CYP4B1: variants seen among roughly 807,000 people sequenced by gnomAD.
The protein encoded by CYP4B1 is cytochrome P450 4B1.
A neutral mutation model predicts 54.0 loss-of-function variants in CYP4B1; 45 were observed. That is an observed-to-expected ratio of 0.83 (90% CI 0.66 to 1.07). The LOEUF is 1.07. Ranked by LOEUF, CYP4B1 falls within the 50% of genes least tolerant of loss-of-function variation. The pLI, the probability that CYP4B1 is intolerant of heterozygous loss-of-function variation, is 0.00. For synonymous variants in CYP4B1, 248 were observed against 247.5 expected (o/e 1.00, Z -0.02); for missense variants, 656 against 655.4 (o/e 1.00, Z -0.01).
At chr1:46,816,702 G>A (rs1356291329) in intron 8 of CYP4B1, among the ~76,000 whole-genome samples, 2 of 152,092 alleles carry the variant, frequency 1.3e-5, no homozygotes, top group Non-Finnish European at 2.9e-5. Flanking sequence ...GGGAAACCAA[G>A]CTGAAACCTA....
rs45522235 is a variant in CYP4B1 at position 46,799,228 on chromosome 1, T to C, written c.147T>C (p.Pro49=). The change falls in exon 1 of 12, where the codon CCT becomes CCC. Residue 49 remains proline (P), a synonymous_variant. Coordinates refer to ENST00000371923, the MANE Select transcript of CYP4B1 (RefSeq NM_001099772.2). ...LAKAMDKFPG[P]PTHWLFGHAL... is the part of the protein sequence containing the mutation. ...AGGCTATGGACAAATTCCCAGGGCC[T>C]CCCACCCACTGGCTTTTTGGACATG... 13,396 of 1,602,076 alleles carry C rather than the reference T, an allele frequency of 8.4e-3. 69 individuals are homozygous for C. The highest frequency in any genetic ancestry group is 9.9e-3 in the Non-Finnish European group (11,643 of 1,174,198).
intron 4 of CYP4B1, among the ~76,000 whole-genome samples, chr1:46,813,241 T>A (rs1250480977): frequency 6.6e-6 from 1 of 152,240 alleles, no homozygotes; most frequent in African/African-American, 2.4e-5. Context: ...AACGTCTGTG[T>A]GCTGTGCAAG....
chr1:46,812,510 GT>G lies in CYP4B1; in HGVS notation c.384del (p.Glu130ArgfsTer21), dbSNP rs1475387698. Reference sequence around the variant, plus strand: ...CCCTTCCCCAGGGAGAGGCCTGCTGGTTCTTGAGGGGCCCAAGTGGTTGCAG... The same window carrying G: ...CCCTTCCCCAGGGAGAGGCCTGCTGGTCTTGAGGGGCCCAAGTGGTTGCAG... ...FLQWIGRGLL[V>X]LEGPKWLQHR... On this transcript the variant is annotated frameshift_variant, in exon 4 of 12. Transcript: ENST00000371923. LOFTEE classifies it high-confidence loss of function. The G allele has an allele frequency of 6.2e-7, 1 of 1,613,370 alleles. No homozygotes were observed. Among genetic ancestry groups the G allele is most frequent in the Non-Finnish European group, 8.5e-7 (1 of 1,179,716 alleles).
intron 3 of CYP4B1, among the ~76,000 whole-genome samples, chr1:46,811,830 C>T (rs2148405585): frequency 6.6e-6 from 1 of 152,288 alleles, no homozygotes; most frequent in South Asian, 2.1e-4. Flanking sequence ...TCAGCGTTTT[C>T]CTGGGAGCTG....
In CYP4B1 at chr1:46,817,190, G is replaced by C. The variant is rs1375064041; in HGVS notation, c.1207+9G>C. The stretch of plus-strand genomic sequence containing the variant: ...CCGGTCTCTACCTGCAGGTGGGATG[G>C]GTGGATTTGGGGGTGGAAAAGGAGT... On this transcript the variant is annotated intron_variant, in intron 9 of 11. Coordinates refer to ENST00000371923, the MANE Select transcript of CYP4B1 (RefSeq NM_001099772.2). The C allele has an allele frequency of 6.2e-7, 1 of 1,614,012 alleles. No homozygotes were observed. Among genetic ancestry groups the C allele is most frequent in the East Asian group, 2.2e-5 (1 of 44,868 alleles).
rs953318487 is a variant in CYP4B1 at position 46,800,270 on chromosome 1, C to G, written c.180+1009C>G. On this transcript the variant is annotated intron_variant, in intron 1 of 11. Coordinates refer to ENST00000371923, the MANE Select transcript of CYP4B1 (RefSeq NM_001099772.2). ...CCTTCCTTCCTTCCTTCCTTCCTTC[C>G]TTCCTTCCTTCCTTCCTTCCTTCCT... 8.2e-5 allele frequency among the ~76,000 whole-genome samples: 9 copies of G among 109,422 alleles called. 1 individual carries two copies. 71.8% of individuals were successfully genotyped at this position (109,422 alleles called of 152,430 possible). A position where few individuals can be genotyped will look rare whatever the true frequency, so the allele number is the denominator to read the frequency against.
At position 46,799,271 on chromosome 1, in the gene CYP4B1, G is replaced by A; in HGVS notation, c.180+10G>A. 1 of 1,572,478 alleles carries A rather than the reference G, an allele frequency of 6.4e-7. No homozygotes were observed. Among genetic ancestry groups the A allele is most frequent in the Non-Finnish European group, 8.6e-7 (1 of 1,157,940 alleles). On this transcript the variant is annotated intron_variant, in intron 1 of 11. Coordinates refer to ENST00000371923, the MANE Select transcript of CYP4B1 (RefSeq NM_001099772.2). ...TGGACATGCCCTCGAGGTATGTGGA[G>A]GTCGGGAGGGTGGGGGAGAAAGAAA...
At chr1:46,800,744 T>C (rs531077406) in intron 1 of CYP4B1, among the ~76,000 whole-genome samples, 1 of 152,258 alleles carries the variant, frequency 6.6e-6, no homozygotes, top group South Asian at 2.1e-4. Flanking sequence ...TGATTGACAC[T>C]AGAAATGAGC....
Position 46,818,807 on chromosome 1 carries a change from G to A in CYP4B1, c.1532G>A (p.Gly511Glu), listed in dbSNP as rs754822880. 4 of 1,614,092 alleles carry A rather than the reference G, an allele frequency of 2.5e-6. No homozygotes were observed. The highest frequency in any genetic ancestry group is 3.4e-6 in the Non-Finnish European group (4 of 1,180,000). The change falls in exon 12 of 12, where the codon GGG becomes GAG. Residue 511 changes from glycine to glutamate, a missense_variant. Transcript: ENST00000371923. ...LHLKPLGPGS[G>E]K is the part of the protein sequence containing the mutation. ...CTGAAGCCACTGGGCCCTGGGTCTG[G>A]GAAGTAGCTCTGATGAGAATGGGGT...
At chr1:46,816,914 G>A in intron 8 of CYP4B1, 134 bp from the exon 9 acceptor site, 1 of 1,011,458 alleles carries the variant, frequency 9.9e-7, no homozygotes, top group Non-Finnish European at 1.5e-6. Context: ...CTGGCCAGGG[G>A]CACTTGGAAC....
At chr1:46,812,308 G>C (rs1417092795) in intron 3 of CYP4B1, 188 bp from the exon 4 acceptor site, 1 of 713,496 alleles carries the variant, frequency 1.4e-6, no homozygotes, top group Non-Finnish European at 2.5e-6. Flanking sequence ...ACTCAGCCAA[G>C]AACTGCTGCC....
Position 46,818,912 on chromosome 1 carries a change from C to G in CYP4B1, c.*98C>G. The G allele has an allele frequency of 8.8e-7, 1 of 1,131,022 alleles. No homozygotes were observed. Among genetic ancestry groups the G allele is most frequent in the Non-Finnish European group, 1.3e-6 (1 of 782,300 alleles). The allele number at this position is 1,131,022 out of a possible 1,614,324, so 70.1% of individuals were successfully genotyped here. A position where few individuals can be genotyped will look rare whatever the true frequency, so the allele number is the denominator to read the frequency against. On this transcript the variant is annotated 3_prime_UTR_variant, in exon 12 of 12. Coordinates refer to ENST00000371923, the MANE Select transcript of CYP4B1 (RefSeq NM_001099772.2). The stretch of plus-strand genomic sequence containing the variant: ...TGGAGGAGTTGGGGCCCCCTGCCTT[C>G]AGGAGGCTTGTAGTTTAGAAGGGAA...
Position 46,818,627 on chromosome 1 carries a change from A to G in CYP4B1, c.1356-4A>G. 1 of 1,614,074 alleles carries G rather than the reference A, an allele frequency of 6.2e-7. No homozygotes were observed. Among genetic ancestry groups the G allele is most frequent in the Non-Finnish European group, 8.5e-7 (1 of 1,179,924 alleles). Reference sequence around the variant, plus strand: ...ACGATGACTCTTTGTGCTGCTTGCTACAGGAACTGCATTGGGCAGCAGTTT... The same window carrying G: ...ACGATGACTCTTTGTGCTGCTTGCTGCAGGAACTGCATTGGGCAGCAGTTT... On this transcript the variant is annotated splice_polypyrimidine_tract_variant and splice_region_variant and intron_variant, in intron 11 of 11. Coordinates refer to ENST00000371923, the MANE Select transcript of CYP4B1 (RefSeq NM_001099772.2).
chr1:46,808,471 C>T lies in CYP4B1; in HGVS notation c.181-2337C>T, dbSNP rs534865798. On this transcript the variant is annotated intron_variant, in intron 1 of 11. Coordinates refer to ENST00000371923, the MANE Select transcript of CYP4B1 (RefSeq NM_001099772.2). ...TTGAGAAGTGTCTGTTCATGTCCTT[C>T]GCCCACTTTTTGATGGGGTTGTTTG... Among the ~76,000 whole-genome samples the T allele has an allele frequency of 2.4e-4, 36 of 151,192 alleles. No homozygotes were observed. In the East Asian group the frequency reaches 2.5e-3, roughly 11 times the overall value.
intron 6 of CYP4B1, 39 bp downstream of exon 6, chr1:46,814,102 G>A (rs978489315): frequency 1.2e-6 from 2 of 1,612,504 alleles, no homozygotes; most frequent in African/African-American, 1.3e-5. Flanking sequence ...AGGAAGCCTG[G>A]GTTCCTCCTC....
chr1:46,817,269 T>C (rs1021923664), intron 9 of CYP4B1, 88 bp downstream of exon 9: 2 of 1,539,022 alleles, frequency 1.3e-6, no homozygotes, highest in African/African-American at 2.7e-5. Flanking sequence ...TTTGCACTTT[T>C]GGGGAAGAGC....
intron 1 of CYP4B1, among the ~76,000 whole-genome samples, chr1:46,805,954 G>GC (rs1485503118): frequency 1.6e-4 from 25 of 152,186 alleles, no homozygotes; most frequent in African/African-American, 6.0e-4. Flanking sequence ...GGGGGTTCTA[G>GC]CCCCCAATTC....
chr1:46,807,438 G>A (rs1358611480), intron 1 of CYP4B1, among the ~76,000 whole-genome samples: 1 of 152,178 alleles, frequency 6.6e-6, no homozygotes, highest in Non-Finnish European at 1.5e-5. Flanking sequence ...GGACCTGGTA[G>A]GGATGGAGAG....
chr1:46,800,622 G>T (rs1269220346), intron 1 of CYP4B1, among the ~76,000 whole-genome samples: 3 of 152,124 alleles, frequency 2.0e-5, no homozygotes, highest in Admixed American at 6.5e-5. Flanking sequence ...GAGCCACCGC[G>T]CCTGGCTGAC....
Sources: gnomAD v4.1 joint callset for allele counts (sites outside exome capture counted in the v4.1 genomes callset) on GRCh38, gnomAD v4.1.1 for gene constraint, MANE v1.5 for transcripts, NCBI Gene and HGNC (gene_info 2026-07-23, HGNC 2026-07-21) for gene names.